The following SPATA6 variants were observed in gnomAD, a reference collection of about 807,000 sequenced individuals.
The protein encoded by SPATA6 is spermatogenesis-associated protein 6.
SPATA6 carries 56 observed loss-of-function variants against 65.3 expected under a neutral mutation model. The observed-to-expected ratio is 0.86, with a 90% CI of 0.69 to 1.07. The LOEUF (loss-of-function observed/expected upper bound fraction) is 1.07, where lower values mean the gene tolerates loss of function less well. Ranked by LOEUF, SPATA6 falls within the 50% of genes least tolerant of loss-of-function variation. SPATA6 has a pLI of 0.00. For synonymous variants in SPATA6, 199 were observed against 213.2 expected, an observed-to-expected ratio of 0.93 and a Z score of 0.58; for missense variants, 590 against 594.8, an observed-to-expected ratio of 0.99 and a Z score of 0.08.
At chr1:48,389,806 A>G (rs1008945883) in intron 8 of SPATA6, among the ~76,000 whole-genome samples, 1 of 152,216 alleles carries the variant, frequency 6.6e-6, no homozygotes, top group Non-Finnish European at 1.5e-5. Context: ...CCTGAAAGCA[A>G]AAGAATGACC....
chr1:48,325,138 C>A, intron 11 of SPATA6: 2 of 543,264 alleles, frequency 3.7e-6, no homozygotes, highest in East Asian at 3.1e-5. Context: ...CATACTTATT[C>A]TTCTTGGGTT....
At chr1:48,373,514 C>T (rs1234647427) in intron 9 of SPATA6, among the ~76,000 whole-genome samples, 3 of 152,194 alleles carry the variant, frequency 2.0e-5, no homozygotes, top group Non-Finnish European at 4.4e-5. Flanking sequence ...CCAAACTGTT[C>T]CAACCTCTGC....
At chr1:48,388,389 T>A (rs953122265) in intron 8 of SPATA6, among the ~76,000 whole-genome samples, 1 of 151,964 alleles carries the variant, frequency 6.6e-6, no homozygotes, top group East Asian at 1.9e-4. Context: ...ACAACTGATA[T>A]AACAGATGTT....
intron 3 of SPATA6, among the ~76,000 whole-genome samples, chr1:48,420,942 G>A (rs1029077541): frequency 1.3e-5 from 2 of 151,914 alleles, no homozygotes; most frequent in African/African-American, 2.4e-5. Flanking sequence ...AACACAGAAA[G>A]AAAAAATGAT....
At chr1:48,415,557 T>C (rs1557683115) in intron 3 of SPATA6, among the ~76,000 whole-genome samples, 6 of 151,636 alleles carry the variant, frequency 4.0e-5, no homozygotes, top group Non-Finnish European at 1.5e-5. Flanking sequence ...CACTATTAGA[T>C]GGGACATGGC....
Position 48,472,040 on chromosome 1 carries a change from C to G in SPATA6, c.-32G>C. 1.4e-6 allele frequency: 2 copies of G among 1,418,052 alleles called. No homozygotes were observed. Among genetic ancestry groups the G allele is most frequent in the Non-Finnish European group, 1.9e-6 (2 of 1,078,332 alleles). 87.8% of individuals were successfully genotyped at this position (1,418,052 alleles called of 1,614,324 possible). A position where few individuals can be genotyped will look rare whatever the true frequency, so the allele number is the denominator to read the frequency against. ...GGGGAGGGGCGGCGGGGAGTGACCC[C>G]GGCCACGGGCCCGAGTGAGGCGGGG... On this transcript the variant is annotated 5_prime_UTR_variant, in exon 1 of 13. Coordinates refer to ENST00000371847, the MANE Select transcript of SPATA6 (RefSeq NM_019073.4).
intron 3 of SPATA6, among the ~76,000 whole-genome samples, chr1:48,431,893 T>C (rs1467253392): frequency 6.6e-6 from 1 of 152,148 alleles, no homozygotes; most frequent in Non-Finnish European, 1.5e-5. Flanking sequence ...GGTGGATTGT[T>C]TGAGTTCACG....
At chr1:48,456,881 C>T (rs185780246) in intron 1 of SPATA6, among the ~76,000 whole-genome samples, 44 of 152,000 alleles carry the variant, frequency 2.9e-4, no homozygotes, top group Non-Finnish European at 5.4e-4. Context: ...GGGATACCAC[C>T]AAGCACAGTA....
At chr1:48,414,319 G>A (rs116703559) in intron 3 of SPATA6, among the ~76,000 whole-genome samples, 16 of 152,230 alleles carry the variant, frequency 1.1e-4, no homozygotes, top group African/African-American at 3.9e-4. Context: ...TTTGAAGTAC[G>A]TCAGAGCATT....
intron 8 of SPATA6, among the ~76,000 whole-genome samples, chr1:48,389,918 AAACCACAATG>A (rs1649873286): frequency 6.6e-6 from 1 of 152,196 alleles, no homozygotes; most frequent in Admixed American, 6.5e-5. Context: ...GATAACCACC[AAACCACAATG>A]ACAAACAATA....
downstream of SPATA6, among the ~76,000 whole-genome samples, chr1:48,292,147 T>C (rs746909908): frequency 3.3e-5 from 5 of 152,232 alleles, no homozygotes; most frequent in Non-Finnish European, 5.9e-5. Context: ...TATCCTTGCA[T>C]TGGTGTCAGT....
intron 1 of SPATA6, among the ~76,000 whole-genome samples, chr1:48,470,494 A>C (rs1258314745): frequency 6.6e-6 from 1 of 152,164 alleles, no homozygotes; most frequent in East Asian, 1.9e-4. Flanking sequence ...AAAACAAGCA[A>C]AGCTAGGGCT....
chr1:48,459,100 G>A (rs1303073434), intron 1 of SPATA6, among the ~76,000 whole-genome samples: 1 of 150,830 alleles, frequency 6.6e-6, no homozygotes, highest in Non-Finnish European at 1.5e-5. Flanking sequence ...AGCTACTCGG[G>A]AGGCTGAGGC....
At chr1:48,390,197 T>C (rs774674520) in intron 8 of SPATA6, among the ~76,000 whole-genome samples, 2 of 152,002 alleles carry the variant, frequency 1.3e-5, no homozygotes, top group Non-Finnish European at 2.9e-5. Context: ...ATAAAGAAAA[T>C]GTTGTGTATA....
At chr1:48,385,398 TTGATTTTTAATACTATCA>T (rs758408418) in intron 8 of SPATA6, 49 bp from the exon 9 acceptor site, 2 of 1,527,056 alleles carry the variant, frequency 1.3e-6, no homozygotes, top group African/African-American at 1.4e-5. Flanking sequence ...GGTTTCATCT[TTGATTTTTAATACTATCA>T]TTGTTTCTAC....
At chr1:48,360,142 A>C (rs1490191994) in intron 9 of SPATA6, among the ~76,000 whole-genome samples, 3 of 152,174 alleles carry the variant, frequency 2.0e-5, no homozygotes, top group Non-Finnish European at 2.9e-5. Flanking sequence ...ATTCAAATTC[A>C]GGTCTAATAC....
At chr1:48,406,834 T>C (rs1444882435) in intron 5 of SPATA6, among the ~76,000 whole-genome samples, 1 of 152,154 alleles carries the variant, frequency 6.6e-6, no homozygotes, top group African/African-American at 2.4e-5. Context: ...TTGCCAAAGG[T>C]TACTCAGTTC....
chr1:48,281,317 T>C, the SPATA6 span, among the ~76,000 whole-genome samples: 1 of 150,996 alleles, frequency 6.6e-6, no homozygotes, highest in Non-Finnish European at 1.5e-5. Flanking sequence ...CAACATAGTG[T>C]TGGAAGTTCT....
intron 11 of SPATA6, among the ~76,000 whole-genome samples, chr1:48,309,053 T>C (rs1323199422): frequency 1.3e-5 from 2 of 152,114 alleles, no homozygotes; most frequent in Non-Finnish European, 2.9e-5. Context: ...GCCAGGCTTA[T>C]CTTTGGCTTC....
Sources: gnomAD v4.1 joint callset for allele counts (sites outside exome capture counted in the v4.1 genomes callset) on GRCh38, gnomAD v4.1.1 for gene constraint, MANE v1.5 for transcripts, NCBI Gene and HGNC (gene_info 2026-07-23, HGNC 2026-07-21) for gene names.